The following PRKCH variants were observed in gnomAD, a reference collection of about 807,000 sequenced individuals.
PRKCH encodes the protein protein kinase C eta.
Under a neutral mutation model 82.5 loss-of-function variants are expected in PRKCH, and 28 were observed. The observed-to-expected ratio is 0.34, with a 90% CI of 0.25 to 0.47. The LOEUF is 0.47. Ranked by LOEUF, PRKCH falls within the 20% of genes least tolerant of loss-of-function variation. The pLI is 1.00. For missense variants in PRKCH, 705 were observed against 881.8 expected (o/e 0.80, Z 2.54); for synonymous variants, 322 against 327.4 (o/e 0.98, Z 0.18).
At chr14:61,512,493 T>C (rs1887423650) in intron 10 of PRKCH, among the ~76,000 whole-genome samples, 1 of 152,166 alleles carries the variant, frequency 6.6e-6, no homozygotes, top group Non-Finnish European at 1.5e-5. Context: ...TGATGGGAAT[T>C]GCATTCTTTG....
chr14:61,214,112 G>C (rs879262718), intron 1 of PRKCH, among the ~76,000 whole-genome samples: 1 of 152,190 alleles, frequency 6.6e-6, no homozygotes, highest in Non-Finnish European at 1.5e-5. Context: ...GTCACACTGT[G>C]GGGGGTGTAC....
chr14:61,315,061 T>C (rs989167629), intron 1 of PRKCH, among the ~76,000 whole-genome samples: 2 of 152,200 alleles, frequency 1.3e-5, no homozygotes, highest in African/African-American at 4.8e-5. Context: ...TTCTGAGAAA[T>C]ATTACTATAT....
chr14:61,429,582 G>A (rs887499164), intron 2 of PRKCH, among the ~76,000 whole-genome samples: 18 of 152,106 alleles, frequency 1.2e-4, no homozygotes, highest in Non-Finnish European at 2.9e-5. Context: ...GTGTCTTGTG[G>A]ACTGTGTCAT....
intron 1 of PRKCH, among the ~76,000 whole-genome samples, chr14:61,196,921 A>C (rs1254882987): frequency 6.6e-6 from 1 of 152,150 alleles, no homozygotes; most frequent in African/African-American, 2.4e-5. Context: ...CTGCAGGCTT[A>C]TTGCATCCCT....
At chr14:61,452,920 A>T (rs1884579760) in intron 6 of PRKCH, 1 of 367,764 alleles carries the variant, frequency 2.7e-6, no homozygotes. Flanking sequence ...ATCTTAGATC[A>T]TACTAAGGCA....
chr14:61,404,323 GT>G (rs1881821418), intron 2 of PRKCH, among the ~76,000 whole-genome samples: 1 of 152,204 alleles, frequency 6.6e-6, no homozygotes, highest in Non-Finnish European at 1.5e-5. Flanking sequence ...TATTTTGTAA[GT>G]GGAAACTTAG....
chr14:61,267,558 G>A (rs547130241), intron 1 of PRKCH, among the ~76,000 whole-genome samples: 1 of 152,336 alleles, frequency 6.6e-6, no homozygotes, highest in East Asian at 1.9e-4. Flanking sequence ...GCTGAAGGCT[G>A]AGGAGCTGAT....
chr14:61,410,373 T>G (rs770931541), intron 2 of PRKCH, among the ~76,000 whole-genome samples: 1 of 152,198 alleles, frequency 6.6e-6, no homozygotes, highest in Non-Finnish European at 1.5e-5. Context: ...TTAACTTGAG[T>G]GGATTTGGGT....
At chr14:61,453,074 A>G in intron 6 of PRKCH, 152 bp from the exon 7 acceptor site, 2 of 885,232 alleles carry the variant, frequency 2.3e-6, no homozygotes, top group Non-Finnish European at 3.5e-6. Flanking sequence ...AGGAACTATT[A>G]CTAGTGTGAG....
chr14:61,260,076 G>A (rs889588681), intron 1 of PRKCH, among the ~76,000 whole-genome samples: 8 of 152,140 alleles, frequency 5.3e-5, no homozygotes, highest in Non-Finnish European at 8.8e-5. Context: ...TGAAACTTCC[G>A]TATCAAACAA....
chr14:61,429,291 A>G (rs1399754021), intron 2 of PRKCH, among the ~76,000 whole-genome samples: 1 of 152,244 alleles, frequency 6.6e-6, no homozygotes, highest in African/African-American at 2.4e-5. Context: ...TGTTCATGTT[A>G]TGGAACCAAT....
chr14:61,489,738 A>C (rs1886379875), intron 10 of PRKCH, among the ~76,000 whole-genome samples: 1 of 152,242 alleles, frequency 6.6e-6, no homozygotes, highest in Admixed American at 6.5e-5. Flanking sequence ...GACAGTGCTC[A>C]TGAATAATTT....
At chr14:61,203,439 G>C (rs1295493620) in intron 1 of PRKCH, among the ~76,000 whole-genome samples, 1 of 152,124 alleles carries the variant, frequency 6.6e-6, no homozygotes, top group African/African-American at 2.4e-5. Context: ...TCTCAGGCAT[G>C]GTGGAGGGGC....
chr14:61,314,809 C>G (rs1426943819), intron 1 of PRKCH, among the ~76,000 whole-genome samples: 1 of 152,134 alleles, frequency 6.6e-6, no homozygotes, highest in Non-Finnish European at 1.5e-5. Flanking sequence ...CACTGACACC[C>G]TAACAGACTG....
intron 1 of PRKCH, among the ~76,000 whole-genome samples, chr14:61,390,268 A>C (rs954522716): frequency 2.0e-5 from 3 of 152,230 alleles, no homozygotes; most frequent in Non-Finnish European, 4.4e-5. Flanking sequence ...GACTATATGC[A>C]GAGGACGACA....
chr14:61,367,860 G>T (rs1469453667), intron 1 of PRKCH, among the ~76,000 whole-genome samples: 1 of 151,604 alleles, frequency 6.6e-6, no homozygotes, highest in African/African-American at 2.4e-5. Flanking sequence ...GACTACAGGA[G>T]CCCACCACCA....
chr14:61,434,277 A>G (rs1351658069), intron 2 of PRKCH, among the ~76,000 whole-genome samples: 1 of 152,230 alleles, frequency 6.6e-6, no homozygotes, highest in Non-Finnish European at 1.5e-5. Flanking sequence ...TTTTTCAGAT[A>G]GAATGACAGT....
intron 2 of PRKCH, among the ~76,000 whole-genome samples, chr14:61,416,744 G>A (rs1195514644): frequency 6.6e-6 from 1 of 151,932 alleles, no homozygotes; most frequent in Non-Finnish European, 1.5e-5. Flanking sequence ...AACACCCGTT[G>A]GAGTCTCCTG....
chr14:61,324,362 C>T (rs948475604), intron 1 of PRKCH, among the ~76,000 whole-genome samples: 5 of 152,084 alleles, frequency 3.3e-5, no homozygotes, highest in Non-Finnish European at 4.4e-5. Flanking sequence ...TTTTGGAAAA[C>T]GTTGAGTGGT....
Sources: gnomAD v4.1 joint callset for allele counts (sites outside exome capture counted in the v4.1 genomes callset) on GRCh38, gnomAD v4.1.1 for gene constraint, MANE v1.5 for transcripts, NCBI Gene and HGNC (gene_info 2026-07-23, HGNC 2026-07-21) for gene names.